The following INPP4B variants were observed in gnomAD, a reference collection of about 807,000 sequenced individuals.
INPP4B encodes inositol polyphosphate 4-phosphatase type II.
A neutral mutation model predicts 122.5 loss-of-function variants in INPP4B; 55 were observed. The ratio of observed to expected loss-of-function variants is 0.45; its 90% CI spans 0.36 to 0.56. The LOEUF (loss-of-function observed/expected upper bound fraction) is 0.56, where lower values mean the gene tolerates loss of function less well. Ranked by LOEUF, INPP4B falls within the 20% of genes least tolerant of loss-of-function variation. The probability of loss-of-function intolerance (pLI) is 0.00; values close to 1 mark genes in which losing one functional copy is unlikely to be tolerated. For synonymous variants in INPP4B, 403 were observed against 388.7 expected (o/e 1.04, Z -0.43); for missense variants, 1,000 against 1,097.7 (o/e 0.91, Z 1.26).
At chr4:142,620,090 C>T (rs146258762) in intron 2 of INPP4B, among the ~76,000 whole-genome samples, 1 of 151,820 alleles carries the variant, frequency 6.6e-6, no homozygotes, top group South Asian at 2.1e-4. Context: ...TGGAAAGCAT[C>T]GTGGAGATTT....
chr4:142,421,828 C>T (rs1251394137), intron 5 of INPP4B, among the ~76,000 whole-genome samples: 6 of 152,074 alleles, frequency 3.9e-5, no homozygotes, highest in Non-Finnish European at 5.9e-5. Flanking sequence ...ACTTGCTCAG[C>T]GCTTCCATAG....
intron 11 of INPP4B, among the ~76,000 whole-genome samples, chr4:142,248,490 A>G (rs1414808888): frequency 6.6e-6 from 1 of 151,674 alleles, no homozygotes; most frequent in Non-Finnish European, 1.5e-5. Flanking sequence ...GGTGCCCATT[A>G]CCACACCCAG....
At chr4:142,836,085 T>C (rs939573715) in intron 1 of INPP4B, among the ~76,000 whole-genome samples, 5 of 152,274 alleles carry the variant, frequency 3.3e-5, no homozygotes, top group Non-Finnish European at 7.4e-5. Flanking sequence ...AAAAATCAAA[T>C]CTTTAGTGAG....
intron 5 of INPP4B, chr4:142,426,827 T>G (rs1477923018): frequency 6.6e-6 from 1 of 151,968 alleles, no homozygotes; most frequent in Admixed American, 6.6e-5. Flanking sequence ...AGCAAGGTCA[T>G]TGAAATTCCT....
At chr4:142,470,386 T>G (rs1818590872) in intron 2 of INPP4B, among the ~76,000 whole-genome samples, 1 of 152,324 alleles carries the variant, frequency 6.6e-6, no homozygotes, top group Non-Finnish European at 1.5e-5. Flanking sequence ...CAACAGTATT[T>G]CATCTAACAA....
rs760788632 is a variant in INPP4B, at chr4:142,023,669, C to T, written c.*5113G>A. The T allele has an allele frequency of 5.3e-5, 8 of 151,960 alleles. No individual in the cohort carries two copies. Among genetic ancestry groups the T allele is most frequent in the South Asian group, 2.1e-4 (1 of 4,818 alleles). 9.4% of individuals were successfully genotyped at this position (151,960 alleles called of 1,614,324 possible). A position where few individuals can be genotyped will look rare whatever the true frequency, so the allele number is the denominator to read the frequency against. ...TTGATCGCGTCCTTTCATGACCTGG[C>T]GGTAATTTAGATGATTGAAGGAATA... On this transcript the variant is annotated 3_prime_UTR_variant, in exon 26 of 26. Coordinates refer to ENST00000262992, the MANE Select transcript of INPP4B (RefSeq NM_001101669.3).
chr4:142,097,352 T>C (rs1319101782), intron 23 of INPP4B, among the ~76,000 whole-genome samples: 1 of 151,896 alleles, frequency 6.6e-6, no homozygotes, highest in Non-Finnish European at 1.5e-5. Context: ...ACTTACTGGT[T>C]CAAGCAATTA....
intron 1 of INPP4B, among the ~76,000 whole-genome samples, chr4:142,829,607 G>T (rs565532448): frequency 6.6e-6 from 1 of 152,192 alleles, no homozygotes; most frequent in East Asian, 1.9e-4. Context: ...CAAAGAAATG[G>T]CAATTACACT....
intron 2 of INPP4B, among the ~76,000 whole-genome samples, chr4:142,506,990 A>G (rs1184091416): frequency 6.6e-6 from 1 of 152,302 alleles, no homozygotes; most frequent in African/African-American, 2.4e-5. Flanking sequence ...TACTTCTCCC[A>G]TCTGCTGTGG....
chr4:142,409,255 G>T (rs1219091359), intron 5 of INPP4B, among the ~76,000 whole-genome samples: 3 of 152,184 alleles, frequency 2.0e-5, no homozygotes, highest in African/African-American at 7.2e-5. Context: ...CACTTTGGGA[G>T]GCCAAGGAGG....
At chr4:142,070,447 C>T (rs1183218874) in intron 25 of INPP4B, among the ~76,000 whole-genome samples, 1 of 152,176 alleles carries the variant, frequency 6.6e-6, no homozygotes, top group Non-Finnish European at 1.5e-5. Context: ...TGCCCTCTTT[C>T]ACCATTCCTC....
chr4:142,347,308 G>A lies in INPP4B; in HGVS notation c.373-32546C>T, dbSNP rs1363689255. On this transcript the variant is annotated intron_variant, in intron 7 of 25. Coordinates refer to ENST00000262992, the MANE Select transcript of INPP4B (RefSeq NM_001101669.3). ...AATTCTTCAACCAACCTCTTAATAG[G>A]GATAACATAAAAAAAGTCTGAGGAG... is the stretch of plus-strand genomic sequence containing the variant. 7 of 188,476 alleles carry A rather than the reference G, an allele frequency of 3.7e-5. No individual in the cohort carries two copies. In the East Asian group the frequency reaches 1.0e-3, roughly 27 times the overall value. The allele number at this position is 188,476 out of a possible 1,614,324, so 11.7% of individuals were successfully genotyped here.
intron 2 of INPP4B, among the ~76,000 whole-genome samples, chr4:142,532,349 C>T (rs1490485749): frequency 6.6e-6 from 1 of 152,152 alleles, no homozygotes; most frequent in East Asian, 1.9e-4. Flanking sequence ...GGCTGTTTCT[C>T]TGCCGGGACA....
At chr4:142,525,769 C>A (rs569337860) in intron 2 of INPP4B, among the ~76,000 whole-genome samples, 1 of 141,340 alleles carries the variant, frequency 7.1e-6, no homozygotes, top group Non-Finnish European at 1.5e-5. Context: ...AACGTTAGAC[C>A]TAAAACCATA....
intron 2 of INPP4B, chr4:142,565,943 G>A (rs1731524989): frequency 6.6e-6 from 1 of 152,108 alleles, no homozygotes; most frequent in Admixed American, 6.6e-5. Flanking sequence ...GAGCCTCATC[G>A]ACCTAGTATA....
chr4:142,723,643 C>T (rs1764972731), intron 2 of INPP4B, among the ~76,000 whole-genome samples: 1 of 151,982 alleles, frequency 6.6e-6, no homozygotes, highest in South Asian at 2.1e-4. Context: ...CATGCTGAGC[C>T]CATTGCCAGA....
Position 142,237,905 on chromosome 4 carries a change from A to T in INPP4B, c.795T>A (p.Pro265=), listed in dbSNP as rs144672519. 3 of 1,578,826 alleles carry T rather than the reference A, an allele frequency of 1.9e-6. No individual in the cohort carries two copies. Among genetic ancestry groups the T allele is most frequent in the Non-Finnish European group, 2.6e-6 (3 of 1,151,978 alleles). ...MSESILSFHI[P]KELISLHIKE... is the part of the protein sequence containing the mutation. ...TAATGTGAAGGGAAATCAATTCCTT[A>T]GGAATATGAAAGGAAAGAATGCTCT... is the stretch of plus-strand genomic sequence containing the variant. Residue 265 remains proline (P), a synonymous_variant, in exon 12 of 26, where the codon CCT becomes CCA. Transcript: ENST00000262992.
intron 9 of INPP4B, among the ~76,000 whole-genome samples, chr4:142,277,586 T>A (rs1047491650): frequency 1.3e-5 from 2 of 151,804 alleles, no homozygotes; most frequent in South Asian, 4.1e-4. Flanking sequence ...CGTGCATGTT[T>A]ATAGCAGCAC....
At chr4:142,253,932 C>A (rs911785922) in intron 11 of INPP4B, among the ~76,000 whole-genome samples, 6 of 152,186 alleles carry the variant, frequency 3.9e-5, no homozygotes, top group Non-Finnish European at 7.3e-5. Flanking sequence ...ACAGCAGTAA[C>A]CTCTTCAGAC....
Sources: gnomAD v4.1 joint callset for allele counts (sites outside exome capture counted in the v4.1 genomes callset) on GRCh38, gnomAD v4.1.1 for gene constraint, MANE v1.5 for transcripts, NCBI Gene and HGNC (gene_info 2026-07-23, HGNC 2026-07-21) for gene names.